The following IKBKB-DT variants were observed in gnomAD, a reference collection of about 807,000 sequenced individuals.
The protein encoded by IKBKB-DT is IKBKB divergent transcript, also known as IKBKB antisense RNA.
At chr8:42,259,678 G>C (rs1807255246) in intron 3 of IKBKB-DT, among the ~76,000 whole-genome samples, 1 of 152,076 alleles carries the variant, frequency 6.6e-6, no homozygotes, top group African/African-American at 2.4e-5. Context: ...GCATGGCATT[G>C]CAATAAAGTA....
intron 3 of IKBKB-DT, among the ~76,000 whole-genome samples, chr8:42,239,614 T>TTATATATGTATATATATATATATATATA (rs1806972378): frequency 5.0e-5 from 1 of 19,910 alleles, no homozygotes. Flanking sequence ...AAAAGGCAAT[T>TTATATATGTATATATATATATATATATA]TATATATATA....
At chr8:42,258,996 A>G (rs1039516735) in intron 3 of IKBKB-DT, among the ~76,000 whole-genome samples, 3 of 152,022 alleles carry the variant, frequency 2.0e-5, no homozygotes, top group African/African-American at 7.2e-5. Context: ...TTCGAAACAT[A>G]TATTTTTTCA....
intron 3 of IKBKB-DT, among the ~76,000 whole-genome samples, chr8:42,244,976 G>A (rs547239369): frequency 1.3e-5 from 2 of 152,214 alleles, no homozygotes; most frequent in Admixed American, 6.5e-5. Context: ...TGGGCCGGGC[G>A]TGGTGGTTTA....
At chr8:42,256,900 A>G (rs1282010530) in intron 3 of IKBKB-DT, among the ~76,000 whole-genome samples, 3 of 152,176 alleles carry the variant, frequency 2.0e-5, no homozygotes, top group African/African-American at 7.2e-5. Flanking sequence ...GTTGTTTGCA[A>G]AAGCTTTTAG....
At chr8:42,258,590 T>C (rs1807239485) in intron 3 of IKBKB-DT, among the ~76,000 whole-genome samples, 1 of 151,988 alleles carries the variant, frequency 6.6e-6, no homozygotes, top group African/African-American at 2.4e-5. Context: ...TGCCTCAGCC[T>C]CCCGAGTAGC....
Position 42,234,063 on chromosome 8 carries a change from AG to A in IKBKB-DT, n.1530-205del, listed in dbSNP as rs554980238. Among the ~76,000 whole-genome samples, 54 of 152,334 alleles carry A rather than the reference AG, an allele frequency of 3.5e-4. No individual in the cohort carries two copies. The East Asian group carries it at 0.01, about 29-fold the overall frequency. On this transcript the variant is annotated intron_variant and non_coding_transcript_variant, in intron 3 of 3. Coordinates refer to ENST00000518213, the Ensembl canonical transcript of IKBKB-DT. ...GTCCTACAAAGGCAATGTAGTTCCC[AG>A]GCAAGAAGGAGGTCTGCTTTGGGAA...
intron 3 of IKBKB-DT, among the ~76,000 whole-genome samples, chr8:42,255,158 GC>G (rs1807182255): frequency 6.6e-6 from 1 of 151,784 alleles, no homozygotes; most frequent in Non-Finnish European, 1.5e-5. Context: ...CCACTGCCCA[GC>G]CGTCGCCCCA....
intron 3 of IKBKB-DT, among the ~76,000 whole-genome samples, chr8:42,235,637 A>T (rs1317930618): frequency 6.6e-6 from 1 of 152,182 alleles, no homozygotes; most frequent in Non-Finnish European, 1.5e-5. Context: ...ATCAATCAGC[A>T]TTCCCCCTAC....
chr8:42,242,294 C>T (rs1048237121), intron 3 of IKBKB-DT, among the ~76,000 whole-genome samples: 4 of 98,130 alleles, frequency 4.1e-5, no homozygotes, highest in Non-Finnish European at 8.7e-5. Context: ...TAGCATCATC[C>T]CTGTGGTTGG....
At chr8:42,261,078 C>T (rs962804027) in intron 3 of IKBKB-DT, among the ~76,000 whole-genome samples, 2 of 152,174 alleles carry the variant, frequency 1.3e-5, no homozygotes, top group African/African-American at 4.8e-5. Context: ...GTAATCCCAG[C>T]ACTTTGGGAG....
intron 3 of IKBKB-DT, among the ~76,000 whole-genome samples, chr8:42,245,593 G>A (rs755033045): frequency 6.6e-6 from 1 of 152,202 alleles, no homozygotes; most frequent in Non-Finnish European, 1.5e-5. Context: ...TTGACAGCAA[G>A]ATAAAGGAAG....
At position 42,268,129 on chromosome 8, in the gene IKBKB-DT, A is replaced by ATTTTT. The variant is rs541093630; in HGVS notation, n.604-1738_604-1734dup. ...GCCCAGCACATATAGGTGCTCAATA[A>ATTTTT]TTTTTTTTTTTTTTTTTTTTTTTAG... On this transcript the variant is annotated intron_variant and non_coding_transcript_variant, in intron 1 of 3. Coordinates refer to ENST00000518213, the Ensembl canonical transcript of IKBKB-DT. 6.1e-5 allele frequency among the ~76,000 whole-genome samples: 8 copies of ATTTTT among 130,402 alleles called. 1 individual carries two copies. The highest frequency in any genetic ancestry group is 5.0e-4 in the South Asian group (2 of 4,012). 85.5% of individuals were successfully genotyped at this position (130,402 alleles called of 152,430 possible). A position where few individuals can be genotyped will look rare whatever the true frequency, so the allele number is the denominator to read the frequency against.
intron 1 of IKBKB-DT, among the ~76,000 whole-genome samples, chr8:42,270,125 AT>A (rs1563281859): frequency 2.0e-5 from 3 of 152,152 alleles, no homozygotes; most frequent in African/African-American, 7.2e-5. Context: ...TTAGCCACGG[AT>A]TAAGAACCCG....
At chr8:42,260,114 C>A (rs1478834693) in intron 3 of IKBKB-DT, among the ~76,000 whole-genome samples, 1 of 151,980 alleles carries the variant, frequency 6.6e-6, no homozygotes, top group African/African-American at 2.4e-5. Context: ...GTCGGGAGAT[C>A]TCAAGTTCCC....
At chr8:42,251,041 TC>T (rs1563276416) in intron 3 of IKBKB-DT, among the ~76,000 whole-genome samples, 11 of 151,988 alleles carry the variant, frequency 7.2e-5, no homozygotes, top group African/African-American at 2.7e-4. Context: ...GGTCAGGAGC[TC>T]GAGACCAGCC....
chr8:42,242,082 G>A (rs1158118294), intron 3 of IKBKB-DT, among the ~76,000 whole-genome samples: 23 of 152,108 alleles, frequency 1.5e-4, no homozygotes, highest in Admixed American at 1.5e-3. Flanking sequence ...GGGCATGTTG[G>A]TGCGCGCCTG....
At chr8:42,243,374 A>G (rs1585460985) in intron 3 of IKBKB-DT, among the ~76,000 whole-genome samples, 1 of 152,346 alleles carries the variant, frequency 6.6e-6, no homozygotes, top group South Asian at 2.1e-4. Context: ...CTAAAGAGCT[A>G]AAGTAAGAAG....
At chr8:42,240,896 G>T (rs988220540) in intron 3 of IKBKB-DT, among the ~76,000 whole-genome samples, 3 of 151,762 alleles carry the variant, frequency 2.0e-5, no homozygotes, top group Non-Finnish European at 4.4e-5. Context: ...AATCGCTTGA[G>T]CCCTGGAAGC....
intron 3 of IKBKB-DT, among the ~76,000 whole-genome samples, chr8:42,242,683 C>T (rs1212848457): frequency 1.3e-5 from 2 of 152,196 alleles, no homozygotes; most frequent in Non-Finnish European, 2.9e-5. Flanking sequence ...AGTCCTTCCC[C>T]GGCCTCTGGC....
Sources: allele counts gnomAD v4.1 joint callset (sites outside exome capture counted in the v4.1 genomes callset), GRCh38; gene constraint gnomAD v4.1.1; transcripts MANE v1.5; gene names NCBI Gene and HGNC (gene_info 2026-07-23, HGNC 2026-07-21).